SH3RF2: variants seen among roughly 807,000 people sequenced by gnomAD.
SH3RF2 encodes the protein E3 ubiquitin-protein ligase SH3RF2.
SH3RF2 carries 43 observed loss-of-function variants against 59.0 expected under a neutral mutation model. The ratio of observed to expected loss-of-function variants is 0.73; its 90% CI spans 0.57 to 0.94. The LOEUF is 0.94. SH3RF2 is among the 40% of genes least tolerant of loss of function. The probability of loss-of-function intolerance (pLI) is 0.00; values close to 1 mark genes in which losing one functional copy is unlikely to be tolerated. For synonymous variants in SH3RF2, 391 were observed against 391.5 expected (o/e 1.00, Z 0.01); for missense variants, 930 against 940.1 (o/e 0.99, Z 0.14).
Position 146,049,234 on chromosome 5 carries a change from C to A in SH3RF2, c.1311C>A (p.Ile437=), listed in dbSNP as rs1762410371. The change falls in exon 7 of 10, where the codon ATC becomes ATA. Residue 437 remains isoleucine, a synonymous_variant. Coordinates refer to ENST00000359120, the MANE Select transcript of SH3RF2 (RefSeq NM_152550.4). ...RVGIFPNNYV[I]PIFRKTSSFP... ...GCATCTTCCCAAACAATTACGTCAT[C>A]CCCATTTTCAGGTGTGTCGCCTCCA... 1 of 1,609,416 alleles carries A rather than the reference C, an allele frequency of 6.2e-7. No individual in the cohort carries two copies. The highest frequency in any genetic ancestry group is 1.1e-5 in the South Asian group (1 of 90,476).
At chr5:145,999,606 G>C (rs1021556969) in intron 2 of SH3RF2, among the ~76,000 whole-genome samples, 1 of 151,930 alleles carries the variant, frequency 6.6e-6, no homozygotes, top group South Asian at 2.1e-4. Flanking sequence ...TAATATTTTT[G>C]TGTCTCAGAG....
chr5:146,064,861 A>G (rs1383339977), downstream of SH3RF2, among the ~76,000 whole-genome samples: 3 of 27,894 alleles, frequency 1.1e-4, no homozygotes, highest in Non-Finnish European at 2.6e-4. Context: ...AGAAAGAAAG[A>G]AAGAGAAAGA....
chr5:145,955,275 C>T lies in SH3RF2; in HGVS notation c.378+16969C>T, dbSNP rs184947244. On this transcript the variant is annotated intron_variant, in intron 2 of 9. Coordinates refer to ENST00000359120, the MANE Select transcript of SH3RF2 (RefSeq NM_152550.4). ...GCAGTAACATAGATGCAGCTGGAGG[C>T]CATCATCCTAAGTGAATTATTCCAG... is the stretch of plus-strand genomic sequence containing the variant. Among the ~76,000 whole-genome samples, 5 of 152,240 alleles carry T rather than the reference C, an allele frequency of 3.3e-5. No homozygotes were observed. In the East Asian group the frequency reaches 7.7e-4, roughly 24 times the overall value.
At chr5:146,054,740 T>C (rs1442059234) in intron 7 of SH3RF2, among the ~76,000 whole-genome samples, 2 of 152,148 alleles carry the variant, frequency 1.3e-5, no homozygotes, top group Non-Finnish European at 2.9e-5. Context: ...TTAAACTACA[T>C]ATTACTTTGT....
intron 2 of SH3RF2, among the ~76,000 whole-genome samples, chr5:145,980,010 C>T (rs1432779): frequency 0.13 from 19,177 of 152,120 alleles, 1,359 homozygotes; most frequent in East Asian, 0.25. Flanking sequence ...ATGCTCAGCA[C>T]GGGGCAATGC....
At chr5:146,026,611 C>T (rs1561749534) in intron 5 of SH3RF2, among the ~76,000 whole-genome samples, 1 of 152,178 alleles carries the variant, frequency 6.6e-6, no homozygotes, top group African/African-American at 2.4e-5. Flanking sequence ...GACCTGTTTT[C>T]TTTCTGTCTG....
chr5:146,070,419 G>A lies in SH3RF2; in HGVS notation c.*33+7685G>A, dbSNP rs533355572. On this transcript the variant is annotated intron_variant, in intron 9 of 9. Coordinates refer to the SH3RF2 transcript ENST00000511217. The stretch of plus-strand genomic sequence containing the variant: ...GGGGTGAGAAGTAAGATAACTGAGA[G>A]TTTTATGCACAGAGAAATCCAAAAA... Among the ~76,000 whole-genome samples, 36 of 152,252 alleles carry A rather than the reference G, an allele frequency of 2.4e-4. No individual in the cohort carries two copies. The South Asian group carries it at 7.0e-3, about 30-fold the overall frequency.
In SH3RF2 at chr5:146,049,258, C is replaced by A. The variant is rs776284711; in HGVS notation, c.1322+13C>A. 1 of 1,590,432 alleles carries A rather than the reference C, an allele frequency of 6.3e-7. No individual in the cohort carries two copies. The highest frequency in any genetic ancestry group is 8.6e-7 in the Non-Finnish European group (1 of 1,166,944). On this transcript the variant is annotated intron_variant, in intron 7 of 9. Coordinates refer to ENST00000359120, the MANE Select transcript of SH3RF2 (RefSeq NM_152550.4). ...TCCCCATTTTCAGGTGTGTCGCCTCCAATCCCAGACTTTGGGAGGTTGGGC... is the reference window on the plus strand; with the variant it reads ...TCCCCATTTTCAGGTGTGTCGCCTCAAATCCCAGACTTTGGGAGGTTGGGC...
chr5:145,949,596 C>T (rs990444962), intron 2 of SH3RF2, among the ~76,000 whole-genome samples: 1 of 152,180 alleles, frequency 6.6e-6, no homozygotes, highest in Admixed American at 6.5e-5. Context: ...TTCCAAATTT[C>T]TCCTCAGAGT....
chr5:145,948,538 A>G (rs1319229526), intron 2 of SH3RF2, among the ~76,000 whole-genome samples: 1 of 152,266 alleles, frequency 6.6e-6, no homozygotes, highest in Non-Finnish European at 1.5e-5. Context: ...AAAGCCTATT[A>G]GGAAAACATT....
chr5:145,957,564 A>T (rs917201831), intron 2 of SH3RF2, among the ~76,000 whole-genome samples: 3 of 152,280 alleles, frequency 2.0e-5, no homozygotes, highest in East Asian at 3.9e-4. Flanking sequence ...GGGTACTATT[A>T]TCTCTATTCC....
chr5:146,059,088 C>T (rs1295007465), intron 8 of SH3RF2, among the ~76,000 whole-genome samples: 2 of 152,152 alleles, frequency 1.3e-5, no homozygotes, highest in African/African-American at 4.8e-5. Context: ...CTGTTATTAT[C>T]TCCAGCTTAC....
At chr5:146,050,311 C>A (rs1405414353) in intron 7 of SH3RF2, among the ~76,000 whole-genome samples, 1 of 152,098 alleles carries the variant, frequency 6.6e-6, no homozygotes, top group Non-Finnish European at 1.5e-5. Flanking sequence ...TAAACCAAGA[C>A]GTTCAAGAAC....
chr5:146,016,722 A>G (rs1011815234), intron 5 of SH3RF2, among the ~76,000 whole-genome samples: 1 of 152,172 alleles, frequency 6.6e-6, no homozygotes, highest in Non-Finnish European at 1.5e-5. Context: ...CATTCTGCCA[A>G]TGTAGTTTAT....
At chr5:145,993,610 C>G (rs1760035292) in intron 2 of SH3RF2, among the ~76,000 whole-genome samples, 1 of 152,214 alleles carries the variant, frequency 6.6e-6, no homozygotes, top group Admixed American at 6.5e-5. Context: ...AGGCTTGCAC[C>G]CTTTGAAGTC....
At chr5:146,061,676 T>A (rs920560343) in intron 9 of SH3RF2, among the ~76,000 whole-genome samples, 1 of 152,106 alleles carries the variant, frequency 6.6e-6, no homozygotes, top group African/African-American at 2.4e-5. Context: ...AGCAGATATA[T>A]AACAGGCTAG....
chr5:146,053,605 C>G (rs1020832529), intron 7 of SH3RF2, among the ~76,000 whole-genome samples: 101 of 152,144 alleles, frequency 6.6e-4, no homozygotes, highest in Admixed American at 1.1e-3. Context: ...GTGAGAACAC[C>G]AGCCACAGCA....
At chr5:145,957,169 A>G (rs1485399811) in intron 2 of SH3RF2, among the ~76,000 whole-genome samples, 6 of 152,242 alleles carry the variant, frequency 3.9e-5, no homozygotes, top group African/African-American at 1.4e-4. Context: ...TCATTTTATA[A>G]AATTTATTCC....
chr5:146,000,269 A>G lies in SH3RF2; in HGVS notation c.590A>G (p.Asn197Ser). The G allele has an allele frequency of 6.2e-7, 1 of 1,613,710 alleles. No homozygotes were observed. The highest frequency in any genetic ancestry group is 1.1e-5 in the South Asian group (1 of 90,996). The change falls in exon 3 of 10, where the codon AAC becomes AGC. Residue 197 changes from asparagine (N) to serine (S), a missense_variant. Transcript: ENST00000359120. ...QPPPLCRALY[N>S]FDLRGKDKSE... ...CCCCCGCTCTGCAGGGCCCTCTACAACTTCGACCTACGAGGCAAGGACAAG... is the reference window on the plus strand; with the variant it reads ...CCCCCGCTCTGCAGGGCCCTCTACAGCTTCGACCTACGAGGCAAGGACAAG...
Sources: allele counts gnomAD v4.1 joint callset (sites outside exome capture counted in the v4.1 genomes callset), GRCh38; gene constraint gnomAD v4.1.1; transcripts MANE v1.5; gene names NCBI Gene and HGNC (gene_info 2026-07-23, HGNC 2026-07-21).